Variants in SLIT3 observed in about 807,000 individuals in gnomAD.
The protein encoded by SLIT3 is slit guidance ligand 3.
SLIT3 carries 68 observed loss-of-function variants against 184.0 expected under a neutral mutation model. That is an observed-to-expected ratio of 0.37 (90% CI 0.30 to 0.45). SLIT3 has a LOEUF of 0.45. Among genes scored for constraint, SLIT3 ranks in the 20% least tolerant of loss-of-function variants. The pLI is 1.00. For synonymous variants in SLIT3, 831 were observed against 828.6 expected (o/e 1.00, Z -0.05); for missense variants, 1,707 against 2,026.0 (o/e 0.84, Z 3.02).
chr5:168,772,807 A>G lies in SLIT3; in HGVS notation c.1433T>C (p.Ile478Thr), dbSNP rs1755601563. ...TGAGCAGCGGAACTTCTTGCTCTTG[A>G]TCTGGCTGATGCGCTTGTTGGCGAG... ...RRLANKRISQ[I>T]KSKKFRCSGS... Residue 478 changes from isoleucine (I) to threonine (T), a missense_variant, in exon 14 of 36, where the codon ATC becomes ACC. Around this residue, in one of 3 missense-constraint regions of SLIT3, gnomAD observed 1,307 missense variants for 1,511.6 expected, o/e 0.86. Transcript: ENST00000519560. 1.2e-6 allele frequency: 2 copies of G among 1,613,906 alleles called. No individual in the cohort carries two copies. The highest frequency in any genetic ancestry group is 4.5e-5 in the East Asian group (2 of 44,874).
At chr5:168,848,185 G>A (rs17666147) in intron 5 of SLIT3, among the ~76,000 whole-genome samples, 20,450 of 152,180 alleles carry the variant, frequency 0.13, 1,719 homozygotes, top group East Asian at 0.25. Flanking sequence ...GTCCTTCTAG[G>A]AAAAGGTGTC....
rs1226789034 is a variant in SLIT3, at chr5:168,665,691, AG to A, written c.*762del. On this transcript the variant is annotated 3_prime_UTR_variant, in exon 36 of 36. Transcript: ENST00000519560. Reference sequence around the variant, plus strand: ...GCCAGGGCCAGCCAGGAAGGAGAAGAGGGGTCCCCCAGTGGGTTCAGATACG... The same window carrying A: ...GCCAGGGCCAGCCAGGAAGGAGAAGAGGGTCCCCCAGTGGGTTCAGATACG... The A allele has an allele frequency of 2.0e-5, 3 of 149,592 alleles. No individual in the cohort carries two copies. Among genetic ancestry groups the A allele is most frequent in the African/African-American group, 7.7e-5 (3 of 39,118 alleles). The allele number at this position is 149,592 out of a possible 1,614,324, so 9.3% of individuals were successfully genotyped here.
rs537114621 is a variant in SLIT3 at position 169,001,426 on chromosome 5, A to G, written c.414-118090T>C. 1.6e-4 allele frequency among the ~76,000 whole-genome samples: 24 copies of G among 152,322 alleles called. 1 individual carries two copies. In the South Asian group the frequency reaches 3.7e-3, roughly 24 times the overall value. Reference sequence around the variant, plus strand: ...GGCTTGAACAATAAAAATATTTAGAATAAAAAAACACCAAATAATGACAAG... The same window carrying G: ...GGCTTGAACAATAAAAATATTTAGAGTAAAAAAACACCAAATAATGACAAG... On this transcript the variant is annotated intron_variant, in intron 4 of 35. Transcript: ENST00000519560.
At chr5:169,019,344 G>A (rs1432907) in intron 4 of SLIT3, among the ~76,000 whole-genome samples, 22,222 of 152,150 alleles carry the variant, frequency 0.15, 2,046 homozygotes, top group East Asian at 0.51. Flanking sequence ...TTTGCTTTGC[G>A]TTAAATTGTG....
In SLIT3 at chr5:168,907,816, C is replaced by T. The variant is rs116037532; in HGVS notation, c.414-24480G>A. Among the ~76,000 whole-genome samples the T allele has an allele frequency of 9.2e-3, 1,388 of 150,114 alleles. 19 individuals are homozygous for T. Among genetic ancestry groups the T allele is most frequent in the African/African-American group, 0.031 (1,282 of 40,832 alleles). ...TACACATGTATGTGTGTATAGAGAA[C>T]GAGGTTTCATTACACACATACACAT... On this transcript the variant is annotated intron_variant, in intron 4 of 35. Coordinates refer to ENST00000519560, the MANE Select transcript of SLIT3 (RefSeq NM_003062.4).
intron 4 of SLIT3, among the ~76,000 whole-genome samples, chr5:169,084,354 G>A (rs1395273890): frequency 6.7e-6 from 1 of 149,900 alleles, no homozygotes; most frequent in Non-Finnish European, 1.5e-5. Context: ...GCGCGATCGT[G>A]ATCTCAGCTC....
intron 4 of SLIT3, among the ~76,000 whole-genome samples, chr5:168,895,642 A>G (rs1279815837): frequency 1.3e-5 from 2 of 152,206 alleles, no homozygotes; most frequent in Non-Finnish European, 2.9e-5. Context: ...AGCTATGTTA[A>G]TACTATAGAA....
intron 1 of SLIT3, among the ~76,000 whole-genome samples, chr5:169,286,810 GT>G (rs1767162966): frequency 6.6e-6 from 1 of 152,212 alleles, no homozygotes; most frequent in African/African-American, 2.4e-5. Flanking sequence ...GTGAAATGCT[GT>G]TTTGCAATGG....
chr5:169,090,943 T>C (rs1759561337), intron 4 of SLIT3, among the ~76,000 whole-genome samples: 1 of 152,192 alleles, frequency 6.6e-6, no homozygotes, highest in South Asian at 2.1e-4. Context: ...TGCTCCTCCA[T>C]CGTATTCCCA....
intron 5 of SLIT3, among the ~76,000 whole-genome samples, chr5:168,866,255 T>C (rs566255648): frequency 3.3e-5 from 5 of 152,274 alleles, no homozygotes; most frequent in African/African-American, 1.2e-4. Flanking sequence ...TCAAAAAGGC[T>C]CCAAAGAGAA....
chr5:168,770,240 G>A (rs1361314090), intron 14 of SLIT3, among the ~76,000 whole-genome samples: 1 of 152,220 alleles, frequency 6.6e-6, no homozygotes, highest in African/African-American at 2.4e-5. Context: ...CTGATAGAGA[G>A]AGGCAGACAC....
intron 1 of SLIT3, among the ~76,000 whole-genome samples, chr5:169,295,053 G>A (rs1767460033): frequency 6.6e-6 from 1 of 152,190 alleles, no homozygotes; most frequent in African/African-American, 2.4e-5. Flanking sequence ...TGAAGGCCTA[G>A]GACATTACTG....
intron 4 of SLIT3, among the ~76,000 whole-genome samples, chr5:169,014,480 G>A (rs1377440279): frequency 6.6e-6 from 1 of 152,176 alleles, no homozygotes; most frequent in Non-Finnish European, 1.5e-5. Context: ...TTTGGCTGAA[G>A]CCTAGGATAG....
At chr5:168,918,062 G>A (rs1218924144) in intron 4 of SLIT3, among the ~76,000 whole-genome samples, 1 of 152,214 alleles carries the variant, frequency 6.6e-6, no homozygotes, top group Non-Finnish European at 1.5e-5. Flanking sequence ...TAGCCCTGAA[G>A]AGTTAAATCC....
rs938518869 is a variant in SLIT3, at chr5:168,734,992, G to A, written c.2271-10508C>T. The stretch of plus-strand genomic sequence containing the variant: ...TTCACATCAGAAATGCAGATGCAGT[G>A]GTGGGGAGAGCTCTCTTTGTAGCAG... On this transcript the variant is annotated intron_variant, in intron 20 of 35. Transcript: ENST00000519560. Among the ~76,000 whole-genome samples, 7 of 152,270 alleles carry A rather than the reference G, an allele frequency of 4.6e-5. No homozygotes were observed. The South Asian group carries it at 6.2e-4, about 14-fold the overall frequency.
Position 169,244,711 on chromosome 5 carries a change from T to G in SLIT3, c.335A>C (p.Glu112Ala). 1 of 1,613,536 alleles carries G rather than the reference T, an allele frequency of 6.2e-7. No individual in the cohort carries two copies. Among genetic ancestry groups the G allele is most frequent in the Non-Finnish European group, 8.5e-7 (1 of 1,179,560 alleles). Reference protein sequence around the residue: ...RGAFQDLKQLERLRLNKNKLQ... With the variant: ...RGAFQDLKQLARLRLNKNKLQ... The stretch of plus-strand genomic sequence containing the variant: ...GAGGCTGTACTGTACTTACAGTCGC[T>G]CTAGCTGCTTCAGGTCCTGGAAGGC... Residue 112 changes from glutamate (E) to alanine (A), a missense_variant, in exon 3 of 36, where the codon GAG (glutamate) becomes GCG (alanine). By Grantham distance (107) the Glu-to-Ala change is moderately radical (BLOSUM62 -1). Around this residue, in one of 3 missense-constraint regions of SLIT3, gnomAD observed 1,307 missense variants for 1,511.6 expected, o/e 0.86. Coordinates refer to ENST00000519560, the MANE Select transcript of SLIT3 (RefSeq NM_003062.4).
intron 4 of SLIT3, among the ~76,000 whole-genome samples, chr5:169,133,834 T>C (rs1561687071): frequency 6.6e-6 from 1 of 152,218 alleles, no homozygotes; most frequent in Non-Finnish European, 1.5e-5. Context: ...TACCCTCACA[T>C]ACTTTCCCAT....
chr5:169,083,363 C>T (rs1759148869), intron 4 of SLIT3, among the ~76,000 whole-genome samples: 1 of 152,212 alleles, frequency 6.6e-6, no homozygotes, highest in Admixed American at 6.5e-5. Flanking sequence ...CATCTCTCCT[C>T]CCACTTCAAA....
At chr5:168,760,780 C>A in intron 16 of SLIT3, 82 bp downstream of exon 16, 1 of 1,016,420 alleles carries the variant, frequency 9.8e-7, no homozygotes, top group Non-Finnish European at 1.6e-6. Context: ...GGGGAGAGGC[C>A]GGTCCCCTGG....
Sources: gnomAD v4.1 joint callset for allele counts (sites outside exome capture counted in the v4.1 genomes callset) on GRCh38, gnomAD v4.1.1 for gene constraint, gnomAD v4.1.1 regional missense constraint, MANE v1.5 for transcripts, NCBI Gene and HGNC (gene_info 2026-07-23, HGNC 2026-07-21) for gene names.